The following ADGRL2 variants were observed in gnomAD, a reference collection of about 807,000 sequenced individuals.
The protein encoded by ADGRL2 is calcium-independent alpha-latrotoxin receptor 2.
Under a neutral mutation model 157.4 loss-of-function variants are expected in ADGRL2, and 44 were observed. That is an observed-to-expected ratio of 0.28 (90% CI 0.22 to 0.36). The LOEUF (loss-of-function observed/expected upper bound fraction) is 0.36, where lower values mean the gene tolerates loss of function less well. ADGRL2 is among the 10% of genes least tolerant of loss of function. The pLI is 1.00. For missense variants in ADGRL2, 1,510 were observed against 1,768.9 expected (o/e 0.85, Z 2.63); for synonymous variants, 585 against 624.7 (o/e 0.94, Z 0.95).
chr1:81,944,483 A>T (rs994554146), intron 6 of ADGRL2, among the ~76,000 whole-genome samples: 13 of 152,074 alleles, frequency 8.5e-5, no homozygotes, highest in Non-Finnish European at 1.5e-4. Flanking sequence ...TTGGTTTATT[A>T]AGTGAGTTCA....
At chr1:81,687,137 T>A (rs1412269559) in intron 3 of ADGRL2, among the ~76,000 whole-genome samples, 1 of 152,202 alleles carries the variant, frequency 6.6e-6, no homozygotes, top group East Asian at 1.9e-4. Flanking sequence ...ATGTTCTGTA[T>A]ATATCTGTTA....
intron 1 of ADGRL2, among the ~76,000 whole-genome samples, chr1:81,807,308 T>C (rs142648470): frequency 9.9e-5 from 15 of 152,108 alleles, no homozygotes; most frequent in African/African-American, 3.6e-4. Flanking sequence ...TAGATTAAAA[T>C]CATAGGCTAG....
chr1:81,983,192 T>A (rs1558048944), intron 19 of ADGRL2, among the ~76,000 whole-genome samples: 1 of 151,714 alleles, frequency 6.6e-6, no homozygotes, highest in Non-Finnish European at 1.5e-5. Context: ...AACAGGAGAG[T>A]CTCTTATGCT....
intron 3 of ADGRL2, among the ~76,000 whole-genome samples, chr1:81,622,871 T>C (rs1262178907): frequency 1.3e-5 from 2 of 152,250 alleles, no homozygotes; most frequent in Admixed American, 6.5e-5. Context: ...GACATGATAT[T>C]TCATTTTACA....
intron 2 of ADGRL2, among the ~76,000 whole-genome samples, chr1:81,481,928 C>A (rs1011988293): frequency 1.3e-5 from 2 of 152,152 alleles, no homozygotes; most frequent in African/African-American, 2.4e-5. Flanking sequence ...CATAACATAT[C>A]CTTAGACCCT....
chr1:81,921,194 T>A (rs1264941569), intron 3 of ADGRL2, among the ~76,000 whole-genome samples: 1 of 152,188 alleles, frequency 6.6e-6, no homozygotes, highest in Non-Finnish European at 1.5e-5. Context: ...AATAATGTCA[T>A]ATCAAATATG....
At chr1:81,862,083 T>A (rs2093408230) in intron 2 of ADGRL2, among the ~76,000 whole-genome samples, 1 of 152,130 alleles carries the variant, frequency 6.6e-6, no homozygotes, top group African/African-American at 2.4e-5. Context: ...TTGTTTTGCT[T>A]GCTGAAGTTA....
At chr1:81,328,392 A>C (rs1254536364) in intron 1 of ADGRL2, among the ~76,000 whole-genome samples, 1 of 152,094 alleles carries the variant, frequency 6.6e-6, no homozygotes, top group Non-Finnish European at 1.5e-5. Flanking sequence ...TGTGCTACCC[A>C]CTAAAAATAA....
chr1:81,460,161 T>A (rs2077896208), intron 2 of ADGRL2, among the ~76,000 whole-genome samples: 1 of 152,022 alleles, frequency 6.6e-6, no homozygotes, highest in African/African-American at 2.4e-5. Flanking sequence ...TTTCACTCTG[T>A]TGATTATTTT....
intron 2 of ADGRL2, among the ~76,000 whole-genome samples, chr1:81,500,777 G>T (rs1343473896): frequency 6.6e-6 from 1 of 152,116 alleles, no homozygotes; most frequent in South Asian, 2.1e-4. Context: ...TTAAGTAAAT[G>T]TACTTATTGT....
intron 3 of ADGRL2, among the ~76,000 whole-genome samples, chr1:81,924,478 C>T (rs547414075): frequency 5.9e-5 from 9 of 152,110 alleles, no homozygotes; most frequent in South Asian, 2.1e-4. Context: ...TTTGTAGAGA[C>T]GAGTACTGAG....
chr1:81,616,594 C>T (rs1440644011), intron 3 of ADGRL2, among the ~76,000 whole-genome samples: 3 of 151,246 alleles, frequency 2.0e-5, no homozygotes, highest in Non-Finnish European at 4.4e-5. Flanking sequence ...TGAGTCCTCT[C>T]ACTTTCCATC....
intron 2 of ADGRL2, among the ~76,000 whole-genome samples, chr1:81,578,571 C>T (rs1234734893): frequency 6.6e-6 from 1 of 152,138 alleles, no homozygotes; most frequent in Non-Finnish European, 1.5e-5. Flanking sequence ...TTTTCTTTTA[C>T]ACCTTCATTA....
At chr1:81,414,059 A>G (rs924513645) in intron 1 of ADGRL2, 4 of 152,310 alleles carry the variant, frequency 2.6e-5, no homozygotes, top group African/African-American at 9.6e-5. Context: ...ATGCTGAAAA[A>G]CGTGGGTTAC....
chr1:81,750,649 G>A (rs1405910233), intron 1 of ADGRL2, among the ~76,000 whole-genome samples: 2 of 152,114 alleles, frequency 1.3e-5, no homozygotes, highest in Non-Finnish European at 2.9e-5. Flanking sequence ...CTCAGGAGGT[G>A]GAGGTGGCAG....
At chr1:81,989,806 A>G (rs1664211216) in intron 23 of ADGRL2, 2 of 1,502,542 alleles carry the variant, frequency 1.3e-6, no homozygotes, top group South Asian at 2.8e-5. Flanking sequence ...GTTTAACATG[A>G]CTTCTTTGTA....
At chr1:81,830,664 C>T (rs1174984951) in intron 1 of ADGRL2, among the ~76,000 whole-genome samples, 1 of 152,068 alleles carries the variant, frequency 6.6e-6, no homozygotes, top group Non-Finnish European at 1.5e-5. Context: ...CCCGCCACCA[C>T]GCCTGGCAAA....
At chr1:81,378,244 G>C (rs558115010) in intron 1 of ADGRL2, among the ~76,000 whole-genome samples, 49 of 151,936 alleles carry the variant, frequency 3.2e-4, no homozygotes, top group Non-Finnish European at 5.1e-4. Context: ...TAAAGAGCAG[G>C]TTTTGTCATC....
intron 1 of ADGRL2, among the ~76,000 whole-genome samples, chr1:81,409,425 C>T (rs1431916189): frequency 1.3e-5 from 2 of 152,150 alleles, no homozygotes; most frequent in Non-Finnish European, 2.9e-5. Context: ...TAGGCAGCTA[C>T]AGTATAGCTC....
Sources: allele counts gnomAD v4.1 joint callset (sites outside exome capture counted in the v4.1 genomes callset), GRCh38; gene constraint gnomAD v4.1.1; transcripts MANE v1.5; gene names NCBI Gene and HGNC (gene_info 2026-07-23, HGNC 2026-07-21).